The following KCNN2 variants were observed in gnomAD, a reference collection of about 807,000 sequenced individuals.
The protein encoded by KCNN2 is small conductance calcium-activated potassium channel protein 2.
Under a neutral mutation model 55.5 loss-of-function variants are expected in KCNN2, and 24 were observed. The observed-to-expected ratio is 0.43, with a 90% confidence interval of 0.31 to 0.61. KCNN2 has a LOEUF of 0.61. Among genes scored for constraint, KCNN2 ranks in the 20% least tolerant of loss-of-function variants. The pLI is 0.08. For missense variants in KCNN2, 754 were observed against 853.6 expected, an observed-to-expected ratio of 0.88 and a Z score of 1.45; for synonymous variants, 431 against 336.1, an observed-to-expected ratio of 1.28 and a Z score of -3.09.
chr5:114,418,012 C>T (rs995759604), intron 3 of KCNN2, among the ~76,000 whole-genome samples: 4 of 152,094 alleles, frequency 2.6e-5, no homozygotes, highest in Non-Finnish European at 4.4e-5. Flanking sequence ...AATGTTTCTG[C>T]ACAGATGTGT....
At position 114,177,306 on chromosome 5, in the gene KCNN2, G is replaced by A. The variant is rs933079005; in HGVS notation, c.-270-44174G>A. 3.3e-5 allele frequency among the ~76,000 whole-genome samples: 5 copies of A among 151,804 alleles called. No individual in the cohort carries two copies. The East Asian group carries it at 7.7e-4, about 24-fold the overall frequency. On this transcript the variant is annotated intron_variant, in intron 1 of 10. Coordinates refer to the KCNN2 transcript ENST00000512097. ...GAGCCCGCCACCGCGCCCGGCTAAT[G>A]TTTTGTATTTTTAGTAGAGACGGGG... is the stretch of plus-strand genomic sequence containing the variant.
chr5:114,457,137 T>C (rs1010608743), intron 3 of KCNN2, among the ~76,000 whole-genome samples: 3 of 152,184 alleles, frequency 2.0e-5, no homozygotes, highest in Non-Finnish European at 4.4e-5. Flanking sequence ...AAAGAGTCCA[T>C]TGATGTGGCA....
At chr5:114,329,003 C>A (rs989509839) in intron 2 of KCNN2, among the ~76,000 whole-genome samples, 1 of 152,188 alleles carries the variant, frequency 6.6e-6, no homozygotes, top group African/African-American at 2.4e-5. Context: ...TTACTTATTG[C>A]CCTCCTTATT....
upstream of KCNN2, chr5:114,361,062 G>C (rs563631564): frequency 1.3e-5 from 2 of 152,530 alleles, no homozygotes; most frequent in South Asian, 2.1e-4. Flanking sequence ...GGGACCTCCG[G>C]ATTCGGGCTG....
intron 2 of KCNN2, among the ~76,000 whole-genome samples, chr5:114,394,945 CT>C (rs1444585403): frequency 1.3e-5 from 2 of 152,168 alleles, no homozygotes; most frequent in African/African-American, 4.8e-5. Flanking sequence ...ATTTTCCTGG[CT>C]ATTCTACTTA....
intron 1 of KCNN2, among the ~76,000 whole-genome samples, chr5:114,149,816 G>A (rs374565781): frequency 9.2e-5 from 14 of 152,174 alleles, no homozygotes; most frequent in South Asian, 2.1e-4. Context: ...AACAGGACGT[G>A]AAGCTAGACA....
intron 3 of KCNN2, among the ~76,000 whole-genome samples, chr5:114,432,700 A>G (rs922974404): frequency 2.0e-4 from 31 of 152,232 alleles, no homozygotes; most frequent in African/African-American, 7.2e-4. Context: ...GCGAGCGGGA[A>G]CCGGGGCTGT....
At chr5:114,155,917 G>T (rs1001645591) in intron 1 of KCNN2, among the ~76,000 whole-genome samples, 8 of 152,128 alleles carry the variant, frequency 5.3e-5, no homozygotes, top group Admixed American at 1.3e-4. Context: ...TGCTTTTGTT[G>T]TGATTGCTTT....
chr5:114,375,001 A>G (rs1031028633), intron 2 of KCNN2, among the ~76,000 whole-genome samples: 3 of 152,098 alleles, frequency 2.0e-5, no homozygotes, highest in Admixed American at 1.3e-4. Flanking sequence ...TCTGTGCAAT[A>G]TTTGCATATT....
intron 4 of KCNN2, among the ~76,000 whole-genome samples, chr5:114,468,844 G>A (rs576168362): frequency 9.9e-5 from 15 of 152,194 alleles, no homozygotes; most frequent in African/African-American, 3.1e-4. Flanking sequence ...TGTTATTAAA[G>A]CTTGATCCCA....
chr5:114,129,830 A>G (rs957384723), intron 1 of KCNN2, among the ~76,000 whole-genome samples: 1 of 152,212 alleles, frequency 6.6e-6, no homozygotes, highest in African/African-American at 2.4e-5. Flanking sequence ...ATCTGAGGAC[A>G]TTTGTTTTCA....
intron 1 of KCNN2, among the ~76,000 whole-genome samples, chr5:114,115,677 G>T (rs931987031): frequency 6.6e-6 from 1 of 151,750 alleles, no homozygotes; most frequent in Non-Finnish European, 1.5e-5. Context: ...GGGAAATGTT[G>T]GCCCACTGAG....
At chr5:114,472,966 T>A in intron 4 of KCNN2, 88 bp from the exon 5 acceptor site, 1 of 696,242 alleles carries the variant, frequency 1.4e-6, no homozygotes, top group Non-Finnish European at 2.4e-6. Flanking sequence ...TGAGAAACTT[T>A]TGCATTTGAT....
rs1752301382 is a variant in KCNN2, at chr5:114,142,311, A to G, written c.-270-79169A>G. Among the ~76,000 whole-genome samples, 3 of 152,228 alleles carry G rather than the reference A, an allele frequency of 2.0e-5. No homozygotes were observed. The South Asian group carries it at 6.2e-4, about 32-fold the overall frequency. The stretch of plus-strand genomic sequence containing the variant: ...TCCATCTTGAATTAATTTTTGTATA[A>G]GGTGTAAGGAAGGGATCCAGTTTCA... On this transcript the variant is annotated intron_variant, in intron 1 of 10. Transcript: ENST00000512097.
rs1397070267 is a variant in KCNN2, at chr5:114,312,418, CACACACACACACACACATATATATATAT to C, written c.-184-48525_-184-48498del. On this transcript the variant is annotated intron_variant, in intron 2 of 10. Coordinates refer to the KCNN2 transcript ENST00000512097. ...ACACACACACACACACACACACACA[CACACACACACACACACATATATATATAT>C]ATATATATATATATATATATATATA... Among the ~76,000 whole-genome samples the C allele has an allele frequency of 2.8e-3, 200 of 70,850 alleles. 1 individual carries two copies. The highest frequency in any genetic ancestry group is 6.8e-3 in the Middle Eastern group (1 of 148). 46.5% of individuals were successfully genotyped at this position (70,850 alleles called of 152,430 possible).
At position 114,126,900 on chromosome 5, in the gene KCNN2, G is replaced by A. The variant is rs11949852; in HGVS notation, c.-271+70400G>A. ...TGGGAGAAATTGGCCAAAACAAAGGGGTTATTGGCTCCACGCAAGTCCAGA... is the reference window on the plus strand; with the variant it reads ...TGGGAGAAATTGGCCAAAACAAAGGAGTTATTGGCTCCACGCAAGTCCAGA... On this transcript the variant is annotated intron_variant, in intron 1 of 10. Transcript: ENST00000512097. Among the ~76,000 whole-genome samples, 790 of 152,162 alleles carry A rather than the reference G, an allele frequency of 5.2e-3. 7 individuals carry two copies. Among genetic ancestry groups the A allele is most frequent in the African/African-American group, 0.018 (750 of 41,512 alleles).
At chr5:114,429,512 T>C (rs1759728738) in intron 3 of KCNN2, among the ~76,000 whole-genome samples, 1 of 152,108 alleles carries the variant, frequency 6.6e-6, no homozygotes, top group Non-Finnish European at 1.5e-5. Context: ...CATTTTCTTA[T>C]TGTAGAGTTT....
At chr5:114,225,720 A>G (rs2112597628) in intron 2 of KCNN2, among the ~76,000 whole-genome samples, 1 of 152,318 alleles carries the variant, frequency 6.6e-6, no homozygotes, top group East Asian at 1.9e-4. Flanking sequence ...TATAAGACTT[A>G]CCAAAAAGAG....
At chr5:114,455,470 T>G (rs985201618) in intron 3 of KCNN2, among the ~76,000 whole-genome samples, 4 of 152,224 alleles carry the variant, frequency 2.6e-5, no homozygotes, top group Admixed American at 2.0e-4. Context: ...CTCTCTCACT[T>G]TTATCTGGCT....
Sources: allele counts gnomAD v4.1 joint callset (sites outside exome capture counted in the v4.1 genomes callset), GRCh38; gene constraint gnomAD v4.1.1; transcripts MANE v1.5; gene names NCBI Gene and HGNC (gene_info 2026-07-23, HGNC 2026-07-21).